Variants in BABAM2 observed in about 807,000 individuals in gnomAD.
BABAM2 encodes the protein BRISC and BRCA1-A complex member 2.
Under a neutral mutation model 54.7 loss-of-function variants are expected in BABAM2, and 31 were observed. That is an observed-to-expected ratio of 0.57 (90% CI 0.43 to 0.77). BABAM2 has a LOEUF of 0.77. Among genes scored for constraint, BABAM2 ranks in the 30% least tolerant of loss-of-function variants. The probability of loss-of-function intolerance (pLI) is 0.00; values close to 1 mark genes in which losing one functional copy is unlikely to be tolerated. For missense variants in BABAM2, 364 were observed against 455.8 expected (o/e 0.80, Z 1.83); for synonymous variants, 167 against 162.9 (o/e 1.03, Z -0.19).
At chr2:28,213,203 G>A (rs1316040635) in intron 7 of BABAM2, among the ~76,000 whole-genome samples, 1 of 151,640 alleles carries the variant, frequency 6.6e-6, no homozygotes, top group Non-Finnish European at 1.5e-5. Flanking sequence ...CTCCACCTGG[G>A]TGACAGAACG....
At chr2:28,160,820 T>G (rs56104185) in intron 7 of BABAM2, among the ~76,000 whole-genome samples, 71,580 of 150,370 alleles carry the variant, frequency 0.48, 17,537 homozygotes, top group Middle Eastern at 0.6. Context: ...TGCAGTCTGG[T>G]AGGTGTTAGA....
chr2:27,990,550 A>T (rs1672708580), intron 4 of BABAM2, among the ~76,000 whole-genome samples: 1 of 152,080 alleles, frequency 6.6e-6, no homozygotes. Flanking sequence ...ATTTTTCCTG[A>T]AGTATGCCTT....
Position 28,259,354 on chromosome 2 carries a change from G to T in BABAM2, c.934+14492G>T, listed in dbSNP as rs549888714. Among the ~76,000 whole-genome samples, 17 of 152,044 alleles carry T rather than the reference G, an allele frequency of 1.1e-4. No individual in the cohort carries two copies. In the South Asian group the frequency reaches 2.1e-3, roughly 19 times the overall value. ...ACCCACCTCGGCCTCCCAAAGTGCT[G>T]GGATCACAGGTAAGCTACCGCACCT... On this transcript the variant is annotated intron_variant, in intron 10 of 11. Transcript: ENST00000379624.
intron 7 of BABAM2, among the ~76,000 whole-genome samples, chr2:28,157,899 G>C (rs534710413): frequency 6.6e-6 from 1 of 152,226 alleles, no homozygotes; most frequent in Non-Finnish European, 1.5e-5. Flanking sequence ...ATGAGCTACC[G>C]TGCCCAGCCA....
intron 7 of BABAM2, among the ~76,000 whole-genome samples, chr2:28,175,213 T>A (rs1674790023): frequency 6.6e-6 from 1 of 152,158 alleles, no homozygotes; most frequent in African/African-American, 2.4e-5. Flanking sequence ...TACCTGCACC[T>A]GCTGCTACTG....
At chr2:28,290,266 T>G (rs1293426979) in intron 10 of BABAM2, among the ~76,000 whole-genome samples, 1 of 152,230 alleles carries the variant, frequency 6.6e-6, no homozygotes, top group Admixed American at 6.5e-5. Flanking sequence ...CCAGTTTTTG[T>G]TATCACAAGT....
intron 6 of BABAM2, among the ~76,000 whole-genome samples, chr2:28,064,055 A>G (rs1201132373): frequency 6.6e-6 from 1 of 152,206 alleles, no homozygotes; most frequent in Non-Finnish European, 1.5e-5. Flanking sequence ...AGCCGTTTTC[A>G]CTGGATGAAG....
At chr2:28,277,882 C>A (rs1489106410) in intron 10 of BABAM2, among the ~76,000 whole-genome samples, 2 of 152,194 alleles carry the variant, frequency 1.3e-5, no homozygotes, top group Non-Finnish European at 2.9e-5. Context: ...GACAGGCATG[C>A]AAACACTGCG....
rs371783468 is a variant in BABAM2, at chr2:27,902,415, G to A, written c.128+7731G>A. ...AAACTTTGAAAGCTACCCATCAAAG[G>A]TATATTCCTAGAAATAGAATTACTA... On this transcript the variant is annotated intron_variant, in intron 2 of 11. Transcript: ENST00000379624. Among the ~76,000 whole-genome samples the A allele has an allele frequency of 3.0e-3, 461 of 152,238 alleles. 5 individuals are homozygous for A. Among genetic ancestry groups the A allele is most frequent in the Middle Eastern group, 0.01 (3 of 294 alleles).
chr2:28,112,057 C>G (rs531956121), intron 6 of BABAM2, among the ~76,000 whole-genome samples: 1 of 151,584 alleles, frequency 6.6e-6, no homozygotes, highest in East Asian at 1.9e-4. Flanking sequence ...AGAAGATGTT[C>G]ATACTTTTTC....
At chr2:27,909,008 T>C (rs898568039) in intron 2 of BABAM2, among the ~76,000 whole-genome samples, 1 of 152,146 alleles carries the variant, frequency 6.6e-6, no homozygotes, top group African/African-American at 2.4e-5. Flanking sequence ...ATTTCCCTAA[T>C]GTTTACTGAT....
chr2:28,052,286 G>C (rs147212196), intron 6 of BABAM2, among the ~76,000 whole-genome samples: 6 of 145,788 alleles, frequency 4.1e-5, no homozygotes, highest in African/African-American at 7.6e-5. Flanking sequence ...TTTTTTTTTT[G>C]CTTTTTTTTT....
intron 7 of BABAM2, among the ~76,000 whole-genome samples, chr2:28,213,794 A>G (rs927852534): frequency 6.6e-6 from 1 of 152,006 alleles, no homozygotes; most frequent in Admixed American, 6.6e-5. Context: ...ACTGGAACTC[A>G]TGCTTGGTTC....
At chr2:28,100,549 C>T (rs773193403) in intron 6 of BABAM2, among the ~76,000 whole-genome samples, 1 of 151,750 alleles carries the variant, frequency 6.6e-6, no homozygotes, top group Non-Finnish European at 1.5e-5. Flanking sequence ...TGTGTATGCC[C>T]GTTCCTGCCG....
intron 7 of BABAM2, among the ~76,000 whole-genome samples, chr2:28,216,801 T>C (rs926112761): frequency 6.6e-6 from 1 of 152,154 alleles, no homozygotes; most frequent in Admixed American, 6.5e-5. Context: ...TACCCTCTCC[T>C]TCATAATCTG....
At chr2:27,951,000 G>C (rs1251278272) in intron 3 of BABAM2, among the ~76,000 whole-genome samples, 6 of 151,944 alleles carry the variant, frequency 3.9e-5, no homozygotes, top group Non-Finnish European at 5.9e-5. Flanking sequence ...TGTTACCTCT[G>C]TGTTTCCTGA....
rs578233915 is a variant in BABAM2, at chr2:28,041,307, TA to T, written c.496-4417del. Among the ~76,000 whole-genome samples the T allele has an allele frequency of 1.3e-3, 200 of 152,336 alleles. 1 individual carries two copies. Among genetic ancestry groups the T allele is most frequent in the African/African-American group, 4.6e-3 (191 of 41,582 alleles). ...ACACTAGTAGGCAGAAATGGTTATT[TA>T]TTTATTGGTAGGTGGTTTGCTTTAT... is the stretch of plus-strand genomic sequence containing the variant. On this transcript the variant is annotated intron_variant, in intron 5 of 11. Coordinates refer to ENST00000379624, the MANE Select transcript of BABAM2 (RefSeq NM_199191.3).
At chr2:28,313,517 GA>G (rs888652330) in intron 11 of BABAM2, among the ~76,000 whole-genome samples, 1 of 152,076 alleles carries the variant, frequency 6.6e-6, no homozygotes, top group Non-Finnish European at 1.5e-5. Flanking sequence ...CACTTCTGAG[GA>G]AAAAAAGTAG....
chr2:28,017,980 T>A (rs756164600), intron 4 of BABAM2, among the ~76,000 whole-genome samples: 1 of 152,220 alleles, frequency 6.6e-6, no homozygotes, highest in Non-Finnish European at 1.5e-5. Flanking sequence ...TGTGTACAGG[T>A]TTTTAAAAAT....
Sources: allele counts gnomAD v4.1 joint callset (sites outside exome capture counted in the v4.1 genomes callset), GRCh38; gene constraint gnomAD v4.1.1; transcripts MANE v1.5; gene names NCBI Gene and HGNC (gene_info 2026-07-23, HGNC 2026-07-21).